Variants in RAF1 observed in about 807,000 individuals in gnomAD.
The protein encoded by RAF1 is RAF proto-oncogene serine/threonine-protein kinase.
RAF1 carries 27 observed loss-of-function variants against 81.1 expected under a neutral mutation model. The ratio of observed to expected loss-of-function variants is 0.33; its 90% confidence interval spans 0.25 to 0.46. The LOEUF is 0.46. Ranked by LOEUF, RAF1 falls within the 20% of genes least tolerant of loss-of-function variation. The pLI, the probability that RAF1 is intolerant of heterozygous loss-of-function variation, is 1.00. For missense variants in RAF1, 598 were observed against 826.0 expected, an observed-to-expected ratio of 0.72 and a Z score of 3.38; for synonymous variants, 298 against 294.0, an observed-to-expected ratio of 1.01 and a Z score of -0.14.
At chr3:12,647,341 C>T (rs1457223469) in intron 1 of RAF1, among the ~76,000 whole-genome samples, 1 of 150,520 alleles carries the variant, frequency 6.6e-6, no homozygotes, top group Non-Finnish European at 1.5e-5. Flanking sequence ...TGGCTCACCC[C>T]TGTAATCTCA....
At chr3:12,638,005 A>C (rs1014333377) in intron 1 of RAF1, among the ~76,000 whole-genome samples, 4 of 152,088 alleles carry the variant, frequency 2.6e-5, no homozygotes, top group Non-Finnish European at 5.9e-5. Flanking sequence ...ACCTCCCCTG[A>C]CCACCCTGGT....
At chr3:12,652,635 A>G (rs1469830140) in intron 1 of RAF1, among the ~76,000 whole-genome samples, 1 of 152,192 alleles carries the variant, frequency 6.6e-6, no homozygotes, top group African/African-American at 2.4e-5. Context: ...GATGCAGTAT[A>G]TTAAATAACT....
intron 11 of RAF1, chr3:12,592,006 G>T (rs1308398616): frequency 1.7e-6 from 1 of 587,808 alleles, no homozygotes; most frequent in East Asian, 3.0e-5. Context: ...TTGACCTCCA[G>T]GGCTTAAGCA....
At chr3:12,593,563 G>A (rs538869369) in intron 11 of RAF1, among the ~76,000 whole-genome samples, 4 of 152,072 alleles carry the variant, frequency 2.6e-5, no homozygotes, top group South Asian at 4.2e-4. Context: ...ATGGGCTGCC[G>A]GTGAAGGTGC....
At chr3:12,609,145 T>C in intron 4 of RAF1, 88 bp downstream of exon 4, 1 of 1,084,798 alleles carries the variant, frequency 9.2e-7, no homozygotes. Context: ...ACTATATATA[T>C]ATATACATAC....
At chr3:12,591,009 G>C (rs371998851) in intron 12 of RAF1, 35 bp from the exon 12 acceptor site, 1 of 1,561,952 alleles carries the variant, frequency 6.4e-7, no homozygotes, top group Non-Finnish European at 8.8e-7. Flanking sequence ...AGAGGGAGGA[G>C]GAAAGTGCTC....
chr3:12,628,760 G>T (rs947486742), intron 1 of RAF1, among the ~76,000 whole-genome samples: 3 of 136,694 alleles, frequency 2.2e-5, no homozygotes, highest in Admixed American at 7.3e-5. Context: ...TTGGGGGGGG[G>T]GGGTGGCGGG....
At chr3:12,606,742 A>C (rs920022131) in intron 5 of RAF1, among the ~76,000 whole-genome samples, 1 of 152,044 alleles carries the variant, frequency 6.6e-6, no homozygotes, top group African/African-American at 2.4e-5. Flanking sequence ...TTTAGGGTAC[A>C]TGTGCACAAC....
At chr3:12,659,991 T>C (rs895987159) in intron 1 of RAF1, among the ~76,000 whole-genome samples, 2 of 152,198 alleles carry the variant, frequency 1.3e-5, no homozygotes, top group African/African-American at 4.8e-5. Flanking sequence ...AGTAATAGAC[T>C]ACCTGAAATA....
chr3:12,625,810 C>A (rs2059685880), intron 1 of RAF1, among the ~76,000 whole-genome samples: 1 of 152,160 alleles, frequency 6.6e-6, no homozygotes, highest in African/African-American at 2.4e-5. Context: ...ACCTGGGCAA[C>A]ACAGTGAGAT....
At chr3:12,587,837 C>CATTTT in intron 13 of RAF1, 200 bp from the exon 13 acceptor site, 1 of 193,316 alleles carries the variant, frequency 5.2e-6, no homozygotes, top group Non-Finnish European at 1.0e-5. Context: ...ATGCTTACAC[C>CATTTT]TTTTTTTTTT....
intron 6 of RAF1, among the ~76,000 whole-genome samples, chr3:12,604,965 G>T (rs1387418563): frequency 2.6e-5 from 4 of 152,048 alleles, no homozygotes; most frequent in Non-Finnish European, 5.9e-5. Flanking sequence ...ACCCATGTAT[G>T]AATTAAAGGG....
chr3:12,622,572 C>A (rs894501662), intron 1 of RAF1, among the ~76,000 whole-genome samples: 1 of 152,204 alleles, frequency 6.6e-6, no homozygotes. Flanking sequence ...TCCCTAACCA[C>A]ACTAGCCAAA....
chr3:12,595,913 T>C (rs1385080879), intron 11 of RAF1, among the ~76,000 whole-genome samples: 1 of 151,696 alleles, frequency 6.6e-6, no homozygotes, highest in Non-Finnish European at 1.5e-5. Flanking sequence ...TCTTGTTCTG[T>C]TGCCCAGGCT....
At chr3:12,599,912 T>A in intron 10 of RAF1, 104 bp from the exon 10 acceptor site, 1 of 1,215,262 alleles carries the variant, frequency 8.2e-7, no homozygotes, top group Non-Finnish European at 1.2e-6. Flanking sequence ...CCATATCTTT[T>A]AAAGATAAAC....
At chr3:12,649,419 G>A (rs773795911) in intron 1 of RAF1, among the ~76,000 whole-genome samples, 6 of 152,138 alleles carry the variant, frequency 3.9e-5, no homozygotes, top group Non-Finnish European at 7.3e-5. Flanking sequence ...TCAACAGAGT[G>A]ACACCTCATC....
At chr3:12,620,825 A>G (rs1227263273) in intron 1 of RAF1, among the ~76,000 whole-genome samples, 2 of 152,172 alleles carry the variant, frequency 1.3e-5, no homozygotes, top group African/African-American at 4.8e-5. Context: ...ACACCCCAGC[A>G]GTGGGTAAAA....
At chr3:12,642,310 CAAAAAACA>C (rs1306779042) in intron 1 of RAF1, among the ~76,000 whole-genome samples, 2 of 147,836 alleles carry the variant, frequency 1.4e-5, no homozygotes, top group Non-Finnish European at 3.0e-5. Flanking sequence ...AAAAAAACCC[CAAAAAACA>C]AAAAAACAAA....
At chr3:12,588,894 G>A (rs2058415798) in intron 13 of RAF1, 2 of 152,130 alleles carry the variant, frequency 1.3e-5, no homozygotes, top group African/African-American at 4.8e-5. Context: ...CAAACGGCTC[G>A]GTGGCCTCCC....
Sources: allele counts gnomAD v4.1 joint callset (sites outside exome capture counted in the v4.1 genomes callset), GRCh38; gene constraint gnomAD v4.1.1; transcripts MANE v1.5; gene names NCBI Gene and HGNC (gene_info 2026-07-23, HGNC 2026-07-21).